The following RECQL variants were observed in gnomAD, a reference collection of about 807,000 sequenced individuals.
The protein encoded by RECQL is ATP-dependent DNA helicase Q1.
A neutral mutation model predicts 75.8 loss-of-function variants in RECQL; 73 were observed. That is an observed-to-expected ratio of 0.96 (90% CI 0.80 to 1.17). RECQL has a LOEUF of 1.17. Among genes scored for constraint, RECQL ranks in the 50% most tolerant of loss-of-function variants. The pLI is 0.00. For missense variants in RECQL, 699 were observed against 772.1 expected, an observed-to-expected ratio of 0.91 and a Z score of 1.12; for synonymous variants, 248 against 254.4, an observed-to-expected ratio of 0.97 and a Z score of 0.24.
chr12:21,501,274 A>G lies in RECQL; in HGVS notation c.-150T>C, dbSNP rs1481274703. ...GGTCAGCAGGCGAACGTGCCCCTAA[A>G]GGCCCGAGTTCTCAGAGCAGGGCAG... On this transcript the variant is annotated 5_prime_UTR_variant, in exon 1 of 15. Transcript: ENST00000444129. 3.3e-5 allele frequency: 5 copies of G among 152,150 alleles called. No individual in the cohort carries two copies. The highest frequency in any genetic ancestry group is 1.2e-4 in the African/African-American group (5 of 41,394). 9.4% of individuals were successfully genotyped at this position (152,150 alleles called of 1,614,324 possible). A position where few individuals can be genotyped will look rare whatever the true frequency, so the allele number is the denominator to read the frequency against.
intron 5 of RECQL, among the ~76,000 whole-genome samples, chr12:21,485,330 G>GA (rs58749568): frequency 5.1e-4 from 66 of 128,552 alleles, no homozygotes; most frequent in South Asian, 1.5e-3. Context: ...CCCCAGAACT[G>GA]AAAAAAAAAA....
In RECQL at chr12:21,487,337, G is replaced by A. The variant is rs150903046; in HGVS notation, c.395-752C>T. Among the ~76,000 whole-genome samples the A allele has an allele frequency of 5.7e-3, 866 of 152,218 alleles. 7 individuals are homozygous for A. The highest frequency in any genetic ancestry group is 0.02 in the African/African-American group (818 of 41,542). On this transcript the variant is annotated intron_variant, in intron 4 of 14. Transcript: ENST00000444129. ...GTGTGTATAATTAAACATGATAGTTGCATAAGCATTCTTTTACTTTTTGTA... is the reference window on the plus strand; with the variant it reads ...GTGTGTATAATTAAACATGATAGTTACATAAGCATTCTTTTACTTTTTGTA...
intron 12 of RECQL, among the ~76,000 whole-genome samples, chr12:21,472,707 T>C (rs990072396): frequency 2.0e-5 from 3 of 152,086 alleles, no homozygotes; most frequent in Non-Finnish European, 4.4e-5. Context: ...GATCCTGTTT[T>C]GATCAGCAGG....
At chr12:21,475,376 A>T (rs927182869) in intron 10 of RECQL, 92 bp downstream of exon 10, 1 of 804,358 alleles carries the variant, frequency 1.2e-6, no homozygotes. Flanking sequence ...ACTATCCAAT[A>T]AAGATAAAAC....
At chr12:21,489,354 G>GA (rs1943365593) in intron 4 of RECQL, among the ~76,000 whole-genome samples, 1 of 151,244 alleles carries the variant, frequency 6.6e-6, no homozygotes, top group African/African-American at 2.4e-5. Context: ...ACCCTTTCAA[G>GA]AAAAAGCTTG....
intron 5 of RECQL, 129 bp downstream of exon 5, chr12:21,486,350 G>T: frequency 1.7e-6 from 2 of 1,205,054 alleles, no homozygotes; most frequent in Non-Finnish European, 2.2e-6. Flanking sequence ...AACTGGCCAA[G>T]AGCAGTAGTT....
intron 2 of RECQL, among the ~76,000 whole-genome samples, chr12:21,496,683 G>A (rs1224479381): frequency 5.3e-5 from 8 of 152,188 alleles, no homozygotes; most frequent in Admixed American, 4.6e-4. Flanking sequence ...GAGTCAAAGG[G>A]TATGGGGCAT....
intron 11 of RECQL, among the ~76,000 whole-genome samples, 154 bp downstream of exon 11, chr12:21,474,687 A>G (rs1943047268): frequency 1.3e-5 from 2 of 152,124 alleles, no homozygotes; most frequent in South Asian, 2.1e-4. Flanking sequence ...CAGATCATAC[A>G]GGTTGATGTG....
chr12:21,477,050 C>G, intron 7 of RECQL, 58 bp from the exon 8 acceptor site: 1 of 1,171,714 alleles, frequency 8.5e-7, no homozygotes, highest in Non-Finnish European at 1.2e-6. Context: ...AAGTGGCTGT[C>G]TATGTACAAC....
rs774936432 is a variant in RECQL at position 21,477,802 on chromosome 12, C to A, written c.867+1G>T. The A allele has an allele frequency of 6.9e-6, 11 of 1,602,230 alleles. No individual in the cohort carries two copies. Among genetic ancestry groups the A allele is most frequent in the South Asian group, 4.5e-5 (4 of 89,452 alleles). On this transcript the variant is annotated splice_donor_variant, in intron 7 of 14. Transcript: ENST00000444129. LOFTEE classifies it high-confidence loss of function. Reference sequence around the variant, plus strand: ...AAGGAATTGACATAAAAATTACATACCTCATAATATAGATTTGGCCTATTA... The same window carrying A: ...AAGGAATTGACATAAAAATTACATAACTCATAATATAGATTTGGCCTATTA...
chr12:21,499,006 CAAG>C (rs1330127658), intron 2 of RECQL, among the ~76,000 whole-genome samples: 2 of 152,120 alleles, frequency 1.3e-5, no homozygotes, highest in Non-Finnish European at 2.9e-5. Flanking sequence ...CATGATTCAG[CAAG>C]AAGAGAAATG....
At position 21,470,296 on chromosome 12, in the gene RECQL, CT is replaced by C. The variant is rs1942907481; in HGVS notation, c.1847del (p.Glu616GlyfsTer44). On this transcript the variant is annotated frameshift_variant, in exon 15 of 15. Coordinates refer to ENST00000444129, the MANE Select transcript of RECQL (RefSeq NM_002907.4). LOFTEE classifies it low-confidence loss of function (END_TRUNC). ...CHSEQGDKKM[E>X]EKNSGNFQKK... ...TCTGGAAGTTGCCTGAATTTTTTTC[CT>C]CCATCTTTTTATCACCTTGTTCAGA... 6.2e-7 allele frequency: 1 copy of C among 1,604,182 alleles called. No individual in the cohort carries two copies. Among genetic ancestry groups the C allele is most frequent in the Non-Finnish European group, 8.5e-7 (1 of 1,176,294 alleles).
At chr12:21,480,475 T>G (rs1288643783) in intron 6 of RECQL, among the ~76,000 whole-genome samples, 2 of 152,172 alleles carry the variant, frequency 1.3e-5, no homozygotes, top group African/African-American at 4.8e-5. Context: ...AGTGGTGGAC[T>G]GGATCTGCAA....
chr12:21,481,534 G>A (rs992976065), intron 6 of RECQL, among the ~76,000 whole-genome samples: 1 of 152,054 alleles, frequency 6.6e-6, no homozygotes, highest in Admixed American at 6.6e-5. Context: ...TGGCCACCAG[G>A]TAACAACTAT....
chr12:21,486,655 A>C lies in RECQL; in HGVS notation c.395-70T>G, dbSNP rs1352112982. On this transcript the variant is annotated intron_variant, in intron 4 of 14. Transcript: ENST00000444129. ...CCTCAGAATCAGATGCAAACCATTC[A>C]CGTTTTTTTTTTTTTTTTTTTTTTT... 6.1e-4 allele frequency: 110 copies of C among 180,640 alleles called. 2 individuals carry two copies. The highest frequency in any genetic ancestry group is 2.2e-3 in the Middle Eastern group (1 of 464). 11.2% of individuals were successfully genotyped at this position (180,640 alleles called of 1,614,324 possible).
intron 2 of RECQL, 110 bp from the exon 3 acceptor site, chr12:21,491,826 G>T: frequency 1.0e-6 from 1 of 958,714 alleles, no homozygotes. Context: ...CAAACTTGAA[G>T]TAGTATAGCA....
rs375822444 is a variant in RECQL at position 21,475,555 on chromosome 12, C to T, written c.1129G>A (p.Gly377Arg). The change falls in exon 10 of 15, where the codon GGA becomes AGA. Residue 377 changes from glycine (G) to arginine (R), a missense_variant. By Grantham distance (125) the Gly-to-Arg change is moderately radical. This residue lies in a region of RECQL where 669 missense variants were observed against 713.5 expected (regional missense o/e 0.94). Transcript: ENST00000444129. ...AACCTCACATCTGGCTTATCAATTC[C>T]CATACCAAATGCAACAGTTGCCACT... ...VVVATVAFGM[G>R]IDKPDVRFVI... 2.3e-5 allele frequency: 37 copies of T among 1,612,468 alleles called. No individual in the cohort carries two copies. The highest frequency in any genetic ancestry group is 3.0e-5 in the Non-Finnish European group (35 of 1,179,214).
intron 5 of RECQL, among the ~76,000 whole-genome samples, chr12:21,484,509 T>C (rs1355603906): frequency 1.3e-5 from 2 of 152,116 alleles, no homozygotes; most frequent in Non-Finnish European, 2.9e-5. Flanking sequence ...GCAGTTATAA[T>C]AGAATGACAT....
chr12:21,475,359 T>TA (rs1943063895), intron 10 of RECQL, 109 bp downstream of exon 10: 1 of 716,666 alleles, frequency 1.4e-6, no homozygotes, highest in East Asian at 2.7e-5. Flanking sequence ...TACATTGTTC[T>TA]AAAAATACTA....
Sources: gnomAD v4.1 joint callset for allele counts (sites outside exome capture counted in the v4.1 genomes callset) on GRCh38, gnomAD v4.1.1 for gene constraint, gnomAD v4.1.1 regional missense constraint, MANE v1.5 for transcripts, NCBI Gene and HGNC (gene_info 2026-07-23, HGNC 2026-07-21) for gene names.